Variants in CD109 observed in about 807,000 individuals in gnomAD.
CD109 encodes CD109 antigen.
Under a neutral mutation model 165.8 loss-of-function variants are expected in CD109, and 149 were observed. That is an observed-to-expected ratio of 0.90 (90% CI 0.79 to 1.03). The LOEUF (loss-of-function observed/expected upper bound fraction) is 1.03. Among genes scored for constraint, CD109 ranks in the 50% least tolerant of loss-of-function variants. The probability of loss-of-function intolerance (pLI) is 0.00; values close to 1 mark genes in which losing one functional copy is unlikely to be tolerated. For missense variants in CD109, 1,712 were observed against 1,677.8 expected, an observed-to-expected ratio of 1.02 and a Z score of -0.36; for synonymous variants, 585 against 592.1, an observed-to-expected ratio of 0.99 and a Z score of 0.18.
At chr6:73,732,261 T>C (rs1031840181) in intron 4 of CD109, among the ~76,000 whole-genome samples, 2 of 152,248 alleles carry the variant, frequency 1.3e-5, no homozygotes, top group Non-Finnish European at 2.9e-5. Flanking sequence ...CTTCCTATTC[T>C]TAGTTTATTT....
Position 73,785,430 on chromosome 6 carries a change from T to C in CD109, c.2290T>C (p.Phe764Leu). 1 of 1,606,734 alleles carries C rather than the reference T, an allele frequency of 6.2e-7. No homozygotes were observed. The highest frequency in any genetic ancestry group is 8.5e-7 in the Non-Finnish European group (1 of 1,176,612). Residue 764 changes from phenylalanine to leucine, a missense_variant, in exon 20 of 33, where the codon TTT becomes CTT. Phe to Leu is a conservative substitution (Grantham distance 22). Coordinates refer to ENST00000287097, the MANE Select transcript of CD109 (RefSeq NM_133493.5). Reference sequence around the variant, plus strand: ...CTACTCTGTTATCAGAGGTGAAGAATTTGCTTTGGAAATAACTATATTCAA... The same window carrying C: ...CTACTCTGTTATCAGAGGTGAAGAACTTGCTTTGGAAATAACTATATTCAA... ...LPYSVIRGEE[F>L]ALEITIFNYL...
chr6:73,762,262 A>G, intron 7 of CD109, 122 bp from the exon 8 acceptor site: 2 of 691,786 alleles, frequency 2.9e-6, no homozygotes, highest in Non-Finnish European at 4.9e-6. Context: ...CTCCCAGCCC[A>G]ATGTAATTTT....
intron 7 of CD109, 140 bp downstream of exon 7, chr6:73,759,168 A>G (rs1047282123): frequency 3.2e-6 from 2 of 616,298 alleles, no homozygotes; most frequent in African/African-American, 3.7e-5. Context: ...TATTTATAAT[A>G]AATAATTAAG....
chr6:73,781,045 T>C (rs541046132), intron 16 of CD109, among the ~76,000 whole-genome samples: 1 of 150,354 alleles, frequency 6.7e-6, no homozygotes, highest in African/African-American at 2.4e-5. Context: ...TCGATGGGCA[T>C]GTGCGTGTGT....
the CD109 span, among the ~76,000 whole-genome samples, chr6:73,683,058 C>T: frequency 6.6e-6 from 1 of 152,170 alleles, no homozygotes; most frequent in Non-Finnish European, 1.5e-5. Context: ...GACATTTTCC[C>T]CATTGTCTTG....
chr6:73,693,565 T>C (rs1770727505), upstream of CD109, among the ~76,000 whole-genome samples: 1 of 152,228 alleles, frequency 6.6e-6, no homozygotes, highest in African/African-American at 2.4e-5. Context: ...TCAGTTTTTC[T>C]TTTGAGACAG....
rs142109646 is a variant in CD109 at position 73,753,226 on chromosome 6, A to G, written c.634-3417A>G. Among the ~76,000 whole-genome samples the G allele has an allele frequency of 1.9e-3, 295 of 152,306 alleles. 1 individual carries two copies. Among genetic ancestry groups the G allele is most frequent in the African/African-American group, 6.9e-3 (285 of 41,560 alleles). On this transcript the variant is annotated intron_variant, in intron 5 of 32. Transcript: ENST00000287097. ...GAGACCATATGGCCTGCAAAGCCTA[A>G]AATATTTACTATCCCACTCTTTACA...
At chr6:73,693,085 A>G (rs780975212), upstream of CD109, among the ~76,000 whole-genome samples, 11 of 152,116 alleles carry the variant, frequency 7.2e-5, no homozygotes, top group Non-Finnish European at 1.5e-4. Context: ...ATATACTGTA[A>G]TTTATTTAAT....
chr6:73,784,560 C>T (rs373155862), intron 19 of CD109, among the ~76,000 whole-genome samples: 16 of 152,274 alleles, frequency 1.1e-4, no homozygotes, highest in East Asian at 9.7e-4. Flanking sequence ...ATAGCACCTT[C>T]GAGTCATGGT....
intron 25 of CD109, among the ~76,000 whole-genome samples, chr6:73,807,695 TA>T (rs1775617518): frequency 6.6e-6 from 1 of 152,150 alleles, no homozygotes; most frequent in African/African-American, 2.4e-5. Flanking sequence ...CCTATTCTAC[TA>T]GTAGGCATGT....
At chr6:73,699,077 C>T (rs1484048622) in intron 2 of CD109, among the ~76,000 whole-genome samples, 1 of 152,140 alleles carries the variant, frequency 6.6e-6, no homozygotes, top group African/African-American at 2.4e-5. Flanking sequence ...CTTCAACTTT[C>T]GTTATTGGAC....
chr6:73,777,038 A>AGAGTGGTATGATCTCGGCTCACTGCC (rs1554181349), intron 15 of CD109, among the ~76,000 whole-genome samples: 1 of 123,450 alleles, frequency 8.1e-6, no homozygotes, highest in Admixed American at 9.3e-5. Flanking sequence ...CCCACGCTGC[A>AGAGTGGTATGATCTCGGCTCACTGCC]ACCTCCACCT....
In CD109 at chr6:73,815,042, A is replaced by C. The variant is rs769351951; in HGVS notation, c.3830A>C (p.Asn1277Thr). 6.3e-7 allele frequency: 1 copy of C among 1,589,440 alleles called. No homozygotes were observed. The highest frequency in any genetic ancestry group is 8.5e-7 in the Non-Finnish European group (1 of 1,171,958). Reference sequence around the variant, plus strand: ...TCTAGAAGACGAAGATCTATCCAAAATCAAGAAGCCTTTGATTTAGATGTT... The same window carrying C: ...TCTAGAAGACGAAGATCTATCCAAACTCAAGAAGCCTTTGATTTAGATGTT... ...GSSRRRRSIQ[N>T]QEAFDLDVAV... The change falls in exon 30 of 33, where the codon AAT becomes ACT. Residue 1277 changes from asparagine to threonine, a missense_variant. Coordinates refer to ENST00000287097, the MANE Select transcript of CD109 (RefSeq NM_133493.5).
At chr6:73,764,887 G>A (rs1773777069) in intron 10 of CD109, among the ~76,000 whole-genome samples, 1 of 151,628 alleles carries the variant, frequency 6.6e-6, no homozygotes, top group African/African-American at 2.4e-5. Flanking sequence ...TGGGTCGGTA[G>A]ACGTTTCAGG....
intron 2 of CD109, among the ~76,000 whole-genome samples, chr6:73,719,940 T>C (rs1771882764): frequency 6.6e-6 from 1 of 152,204 alleles, no homozygotes; most frequent in Non-Finnish European, 1.5e-5. Flanking sequence ...AAAAGTAAGC[T>C]TAATGAACAG....
intron 23 of CD109, among the ~76,000 whole-genome samples, chr6:73,793,359 G>A (rs1393105920): frequency 6.6e-6 from 1 of 152,202 alleles, no homozygotes; most frequent in Non-Finnish European, 1.5e-5. Context: ...CACCTTGAAA[G>A]GTGGAAACTG....
chr6:73,706,633 G>C (rs1454468695), intron 2 of CD109, among the ~76,000 whole-genome samples: 1 of 152,166 alleles, frequency 6.6e-6, no homozygotes, highest in Admixed American at 6.5e-5. Context: ...ACTTTCTTCC[G>C]TTGCAAGGCT....
intron 2 of CD109, among the ~76,000 whole-genome samples, chr6:73,719,648 G>A (rs972586675): frequency 6.6e-6 from 1 of 152,174 alleles, no homozygotes; most frequent in Non-Finnish European, 1.5e-5. Context: ...GGTACCTGAT[G>A]AGATCAGAAC....
At chr6:73,728,179 GGCATGGTGGC>G (rs1447883755) in intron 3 of CD109, among the ~76,000 whole-genome samples, 1 of 152,150 alleles carries the variant, frequency 6.6e-6, no homozygotes, top group African/African-American at 2.4e-5. Context: ...AAATTAGCTA[GGCATGGTGGC>G]GCACACCTGT....
Sources: gnomAD v4.1 joint callset for allele counts (sites outside exome capture counted in the v4.1 genomes callset) on GRCh38, gnomAD v4.1.1 for gene constraint, MANE v1.5 for transcripts, NCBI Gene and HGNC (gene_info 2026-07-23, HGNC 2026-07-21) for gene names.